PODXL2: variants seen among roughly 807,000 people sequenced by gnomAD.
PODXL2 encodes the protein podocalyxin like 2.
In PODXL2, 17 loss-of-function variants were observed where a neutral mutation model predicts 53.4. The ratio of observed to expected loss-of-function variants is 0.32; its 90% CI spans 0.22 to 0.48. The LOEUF (loss-of-function observed/expected upper bound fraction) is 0.48, where lower values mean the gene tolerates loss of function less well. Among genes scored for constraint, PODXL2 ranks in the 20% least tolerant of loss-of-function variants. The pLI, the probability that PODXL2 is intolerant of heterozygous loss-of-function variation, is 0.99. For missense variants in PODXL2, 673 were observed against 760.0 expected (o/e 0.89, Z 1.35); for synonymous variants, 311 against 306.7 (o/e 1.01, Z -0.15).
Position 127,668,446 on chromosome 3 carries a change from G to A in PODXL2, c.1212G>A (p.Val404=), listed in dbSNP as rs775950439. 45 of 1,540,602 alleles carry A rather than the reference G, an allele frequency of 2.9e-5. No individual in the cohort carries two copies. The highest frequency in any genetic ancestry group is 3.8e-5 in the Non-Finnish European group (44 of 1,144,328). The change falls in exon 5 of 8, where the codon GTG becomes GTA. Residue 404 remains valine (V), a synonymous_variant. Coordinates refer to ENST00000342480, the MANE Select transcript of PODXL2 (RefSeq NM_015720.4). ...LNMTENIDCE[V]FRQHRGPQLL... ...GGCTCTTTCTGCCCTTGTAGGAGGT[G>A]TTCCGGCAGCACCGGGGGCCACAGC...
intron 5 of PODXL2, 122 bp downstream of exon 5, chr3:127,668,719 T>TCAAACTACTGTCC: frequency 1.0e-6 from 1 of 970,942 alleles, no homozygotes; most frequent in Non-Finnish European, 1.4e-6. Flanking sequence ...GGACAGTAGT[T>TCAAACTACTGTCC]TGAGCTACTT....
chr3:127,660,520 AGAAGAG>A lies in PODXL2; in HGVS notation c.507_512del (p.Glu171_Glu172del), dbSNP rs200281996. On this transcript the variant is annotated inframe_deletion, in exon 3 of 8. Coordinates refer to ENST00000342480, the MANE Select transcript of PODXL2 (RefSeq NM_015720.4). ...GGCATATGCCTCCCAGAGAGGAGGA[AGAAGAG>A]GAAGAGGAAGAGGAGGAGAGGGAGA... 1.2e-3 allele frequency: 1,940 copies of A among 1,613,958 alleles called. 17 individuals carry two copies. The African/African-American group carries it at 0.018, about 15-fold the overall frequency.
At chr3:127,663,151 C>A (rs2074777671) in intron 4 of PODXL2, among the ~76,000 whole-genome samples, 1 of 152,174 alleles carries the variant, frequency 6.6e-6, no homozygotes, top group East Asian at 1.9e-4. Flanking sequence ...CTGTGCAGCA[C>A]TGCGGGAAGA....
chr3:127,670,016 T>C (rs2074822114), intron 6 of PODXL2, among the ~76,000 whole-genome samples: 1 of 152,122 alleles, frequency 6.6e-6, no homozygotes, highest in Admixed American at 6.5e-5. Flanking sequence ...GCAGGAGAGA[T>C]GAGTGGTATA....
chr3:127,641,819 ATT>A (rs925318380), intron 2 of PODXL2, among the ~76,000 whole-genome samples: 1 of 151,836 alleles, frequency 6.6e-6, no homozygotes, highest in African/African-American at 2.4e-5. Flanking sequence ...CCCAGCCCTG[ATT>A]TTTAACAACT....
In PODXL2 at chr3:127,668,423, C is replaced by T. The variant is rs2074809329; in HGVS notation, c.1207-18C>T. On this transcript the variant is annotated intron_variant, in intron 4 of 7. Coordinates refer to ENST00000342480, the MANE Select transcript of PODXL2 (RefSeq NM_015720.4). ...CCTTTCCTTCACTGAACACGGGGGG[C>T]TCTTTCTGCCCTTGTAGGAGGTGTT... is the stretch of plus-strand genomic sequence containing the variant. 2.6e-6 allele frequency: 4 copies of T among 1,511,062 alleles called. No individual in the cohort carries two copies. Among genetic ancestry groups the T allele is most frequent in the Admixed American group, 2.1e-5 (1 of 47,482 alleles). 93.6% of individuals were successfully genotyped at this position (1,511,062 alleles called of 1,614,324 possible).
At position 127,629,408 on chromosome 3, in the gene PODXL2, T is replaced by G. The variant is rs1000395122; in HGVS notation, c.70+119T>G. 6 of 782,816 alleles carry G rather than the reference T, an allele frequency of 7.7e-6. No individual in the cohort carries two copies. In the African/African-American group the frequency reaches 9.6e-5, roughly 12 times the overall value. The allele number at this position is 782,816 out of a possible 1,614,324, so 48.5% of individuals were successfully genotyped here. On this transcript the variant is annotated intron_variant, in intron 1 of 7. Coordinates refer to ENST00000342480, the MANE Select transcript of PODXL2 (RefSeq NM_015720.4). This position sits in a 1 kb window ranked among gnomAD's most constrained non-coding sequence, Gnocchi z 6.4. ...TGCGGCGCCGCCGGGAGCGCGCGTG[T>G]CCCGGCCGGGCCGCGGCGCCGCCCC...
At chr3:127,660,242 C>A in intron 2 of PODXL2, 136 bp from the exon 3 acceptor site, 1 of 1,041,862 alleles carries the variant, frequency 9.6e-7, no homozygotes, top group Non-Finnish European at 1.4e-6. Context: ...GTCTGCTCCC[C>A]TGGCCTCTCC....
In PODXL2 at chr3:127,671,458, A is replaced by G. The variant is rs1202141450; in HGVS notation, c.1450A>G (p.Thr484Ala). Residue 484 changes from threonine to alanine, a missense_variant, in exon 7 of 8, where the codon ACC becomes GCC. Thr to Ala is a moderately conservative substitution (Grantham distance 58). Transcript: ENST00000342480. ...EEIGIQNYST[T>A]SSCQARASQV... ...GATTGGCATCCAGAACTATTCCACA[A>G]CCAGCAGCTGCCAGGCGCGGGCCAG... The G allele has an allele frequency of 1.2e-6, 2 of 1,613,976 alleles. No individual in the cohort carries two copies. The highest frequency in any genetic ancestry group is 1.7e-6 in the Non-Finnish European group (2 of 1,179,972).
intron 1 of PODXL2, among the ~76,000 whole-genome samples, chr3:127,633,402 G>A (rs1161716517): frequency 6.6e-6 from 1 of 151,954 alleles, no homozygotes; most frequent in African/African-American, 2.4e-5. Context: ...CTATTAACTA[G>A]CTGTTTGACC....
chr3:127,657,999 A>T (rs766574571), intron 2 of PODXL2, among the ~76,000 whole-genome samples: 1 of 152,142 alleles, frequency 6.6e-6, no homozygotes, highest in Non-Finnish European at 1.5e-5. Context: ...TTATGGTCCC[A>T]CCCTTATGCT....
At chr3:127,663,499 G>A (rs2074779607) in intron 4 of PODXL2, among the ~76,000 whole-genome samples, 1 of 152,216 alleles carries the variant, frequency 6.6e-6, no homozygotes, top group African/African-American at 2.4e-5. Context: ...GGACATGCAT[G>A]CGTTGAATCC....
intron 2 of PODXL2, among the ~76,000 whole-genome samples, chr3:127,639,810 C>T (rs184116192): frequency 2.0e-5 from 3 of 152,306 alleles, no homozygotes; most frequent in Admixed American, 2.0e-4. Context: ...AATATGACCC[C>T]CCTTGTAGAC....
chr3:127,672,184 G>C, intron 7 of PODXL2, 84 bp from the exon 8 acceptor site: 2 of 1,111,036 alleles, frequency 1.8e-6, no homozygotes, highest in South Asian at 2.7e-5. Context: ...GAACCCCCTG[G>C]GTGGGGTTGC....
Position 127,665,916 on chromosome 3 carries a change from A to C in PODXL2, c.1207-2525A>C, listed in dbSNP as rs200171617. The C allele has an allele frequency of 2.1e-4, 99 of 465,400 alleles. 1 individual carries two copies. Among genetic ancestry groups the C allele is most frequent in the Non-Finnish European group, 3.6e-4 (84 of 231,614 alleles). 28.8% of individuals were successfully genotyped at this position (465,400 alleles called of 1,614,324 possible). The stretch of plus-strand genomic sequence containing the variant: ...CAAGGAGTCCTGCTTCCTTTTAATG[A>C]GGAAAGGTATTTAGAAACTAAGATC... On this transcript the variant is annotated intron_variant, in intron 4 of 7. Transcript: ENST00000342480.
chr3:127,663,861 G>T (rs776022747), intron 4 of PODXL2, among the ~76,000 whole-genome samples: 5 of 152,100 alleles, frequency 3.3e-5, no homozygotes, highest in Non-Finnish European at 7.4e-5. Context: ...CCTAAAGTTC[G>T]TATCTTTTTG....
intron 4 of PODXL2, among the ~76,000 whole-genome samples, chr3:127,666,279 C>A (rs2074794660): frequency 6.6e-6 from 1 of 151,612 alleles, no homozygotes; most frequent in African/African-American, 2.4e-5. Flanking sequence ...TGAATAAGTA[C>A]TTTACTTATT....
At chr3:127,632,906 G>T (rs2074555696) in intron 1 of PODXL2, among the ~76,000 whole-genome samples, 1 of 152,166 alleles carries the variant, frequency 6.6e-6, no homozygotes, top group East Asian at 1.9e-4. Context: ...TAAGAGCACA[G>T]CCCACCTGAA....
chr3:127,653,447 C>T (rs960318514), intron 2 of PODXL2, among the ~76,000 whole-genome samples: 90 of 152,204 alleles, frequency 5.9e-4, no homozygotes, highest in Non-Finnish European at 2.8e-4. Flanking sequence ...GAGATCAAGA[C>T]CAGCCTGGCC....
Sources: allele counts gnomAD v4.1 joint callset (sites outside exome capture counted in the v4.1 genomes callset), GRCh38; gene constraint gnomAD v4.1.1; non-coding constraint Gnocchi (gnomAD v3.1); transcripts MANE v1.5; gene names NCBI Gene and HGNC (gene_info 2026-07-23, HGNC 2026-07-21).